Variants in CHCHD6 observed in about 807,000 individuals in gnomAD.
The protein encoded by CHCHD6 is coiled-coil-helix-coiled-coil-helix domain containing 6, also known as MICOS complex subunit MIC25.
CHCHD6 carries 28 observed loss-of-function variants against 32.3 expected under a neutral mutation model. The ratio of observed to expected loss-of-function variants is 0.87; its 90% CI spans 0.64 to 1.19. The LOEUF (loss-of-function observed/expected upper bound fraction) is 1.19. CHCHD6 is among the 50% of genes most tolerant of loss of function. CHCHD6 has a pLI of 0.00. For missense variants in CHCHD6, 333 were observed against 307.0 expected (o/e 1.08, Z -0.63); for synonymous variants, 122 against 117.5 (o/e 1.04, Z -0.25).
intron 6 of CHCHD6, among the ~76,000 whole-genome samples, chr3:126,953,917 C>G (rs1443343993): frequency 6.6e-6 from 1 of 152,168 alleles, no homozygotes; most frequent in African/African-American, 2.4e-5. Context: ...GTTTTGTATG[C>G]ATTGTAAACA....
rs944217240 is a variant in CHCHD6 at position 126,774,183 on chromosome 3, G to A, written c.411+40961G>A. The stretch of plus-strand genomic sequence containing the variant: ...AATGTATACACAATAAAATTCACAC[G>A]TTAAGTGCTCAGGTTGGTGATTTTG... On this transcript the variant is annotated intron_variant, in intron 4 of 7. Coordinates refer to ENST00000290913, the MANE Select transcript of CHCHD6 (RefSeq NM_032343.3). Among the ~76,000 whole-genome samples the A allele has an allele frequency of 3.3e-5, 5 of 152,052 alleles. No individual in the cohort carries two copies. The South Asian group carries it at 6.2e-4, about 19-fold the overall frequency.
chr3:126,823,228 G>A (rs1465368211), intron 4 of CHCHD6, among the ~76,000 whole-genome samples: 3 of 152,098 alleles, frequency 2.0e-5, no homozygotes, highest in Non-Finnish European at 4.4e-5. Flanking sequence ...ATTTTGTTTT[G>A]TTTAAATCAA....
chr3:126,717,734 T>C (rs548426992), intron 1 of CHCHD6, among the ~76,000 whole-genome samples: 2 of 152,154 alleles, frequency 1.3e-5, no homozygotes, highest in Non-Finnish European at 2.9e-5. Context: ...GGATCTGGGT[T>C]CCAAATGCAT....
In CHCHD6 at chr3:126,710,090, A is replaced by G. The variant is rs148941009; in HGVS notation, c.87+5691A>G. Among the ~76,000 whole-genome samples the G allele has an allele frequency of 6.4e-4, 98 of 152,342 alleles. No individual in the cohort carries two copies. The East Asian group carries it at 0.011, about 18-fold the overall frequency. On this transcript the variant is annotated intron_variant, in intron 1 of 7. Transcript: ENST00000290913. Reference sequence around the variant, plus strand: ...GTGTTCCAGTAAAACTTTATTTACAAAATCAATTGGTGGGTTAGATTTGGC... The same window carrying G: ...GTGTTCCAGTAAAACTTTATTTACAGAATCAATTGGTGGGTTAGATTTGGC...
At chr3:126,900,083 G>T (rs1357903386) in intron 5 of CHCHD6, among the ~76,000 whole-genome samples, 1 of 152,200 alleles carries the variant, frequency 6.6e-6, no homozygotes, top group Non-Finnish European at 1.5e-5. Flanking sequence ...ACAGGAAAAA[G>T]TATTGGGCTT....
chr3:126,757,942 G>A (rs1937024372), intron 4 of CHCHD6, among the ~76,000 whole-genome samples: 1 of 152,228 alleles, frequency 6.6e-6, no homozygotes, highest in Non-Finnish European at 1.5e-5. Context: ...AAAGCTCAAT[G>A]TGGCCCAGTG....
intron 3 of CHCHD6, among the ~76,000 whole-genome samples, chr3:126,731,461 G>A (rs1935801657): frequency 6.6e-6 from 1 of 152,168 alleles, no homozygotes; most frequent in South Asian, 2.1e-4. Flanking sequence ...CATCTAAGAA[G>A]GGCTAAGAAG....
At chr3:126,722,907 G>A (rs1243380117) in intron 1 of CHCHD6, among the ~76,000 whole-genome samples, 2 of 152,114 alleles carry the variant, frequency 1.3e-5, no homozygotes, top group African/African-American at 4.8e-5. Flanking sequence ...TTAGCCCTCT[G>A]TTTTCTAATA....
chr3:126,892,297 A>C (rs761514283), intron 5 of CHCHD6, among the ~76,000 whole-genome samples: 17 of 152,138 alleles, frequency 1.1e-4, no homozygotes, highest in African/African-American at 1.7e-4. Flanking sequence ...ACTTAAAGAG[A>C]CTGCAAAGCC....
chr3:126,837,026 T>C (rs1215743370), intron 4 of CHCHD6, among the ~76,000 whole-genome samples: 1 of 152,206 alleles, frequency 6.6e-6, no homozygotes, highest in Non-Finnish European at 1.5e-5. Flanking sequence ...CTAAAGGGAA[T>C]TGTGCGCCAG....
intron 4 of CHCHD6, among the ~76,000 whole-genome samples, chr3:126,807,195 T>C (rs74948658): frequency 7.2e-6 from 1 of 138,662 alleles, no homozygotes; most frequent in South Asian, 2.2e-4. Context: ...ACTTAAAGTA[T>C]AAAAAAAAAA....
At chr3:126,871,740 A>T (rs1022537783) in intron 5 of CHCHD6, among the ~76,000 whole-genome samples, 5 of 136,478 alleles carry the variant, frequency 3.7e-5, no homozygotes, top group Non-Finnish European at 6.0e-5. Flanking sequence ...ATCTTGGCTC[A>T]CTGCAACCTC....
At chr3:126,899,288 G>A (rs1003881890) in intron 5 of CHCHD6, among the ~76,000 whole-genome samples, 9 of 152,240 alleles carry the variant, frequency 5.9e-5, no homozygotes, top group East Asian at 1.9e-4. Flanking sequence ...TATCCTGGTC[G>A]TTGTTTTGAT....
chr3:126,880,620 A>AGGGAGACCCACTCACACTATCTGG lies in CHCHD6; in HGVS notation c.495+27895_495+27918dup, dbSNP rs545007031. ...TATCCAGGTGATGAATAAGGATCTG[A>AGGGAGACCCACTCACACTATCTGG]GGGAGACCCACTCACACTATCTGGG... is the stretch of plus-strand genomic sequence containing the variant. On this transcript the variant is annotated intron_variant, in intron 5 of 7. Transcript: ENST00000290913. Among the ~76,000 whole-genome samples, 1,081 of 152,302 alleles carry AGGGAGACCCACTCACACTATCTGG rather than the reference A, an allele frequency of 7.1e-3. 10 individuals are homozygous for AGGGAGACCCACTCACACTATCTGG. The highest frequency in any genetic ancestry group is 0.024 in the African/African-American group (1,008 of 41,556).
intron 6 of CHCHD6, chr3:126,957,188 T>C: frequency 1.7e-6 from 1 of 591,726 alleles, no homozygotes; most frequent in Non-Finnish European, 3.0e-6. Flanking sequence ...TTTCAGTGTC[T>C]GCTATATTGT....
At chr3:126,890,358 A>T (rs1161771266) in intron 5 of CHCHD6, among the ~76,000 whole-genome samples, 1 of 152,184 alleles carries the variant, frequency 6.6e-6, no homozygotes, top group Non-Finnish European at 1.5e-5. Flanking sequence ...GCTCGGTGAC[A>T]CAGGCACACA....
At chr3:126,949,709 A>G (rs150832435) in intron 6 of CHCHD6, 2 of 195,514 alleles carry the variant, frequency 1.0e-5, no homozygotes, top group Non-Finnish European at 2.1e-5. Context: ...CTTATCACCA[A>G]TGGGAAGGAA....
At chr3:126,954,874 A>C (rs2078761895) in intron 6 of CHCHD6, among the ~76,000 whole-genome samples, 1 of 152,234 alleles carries the variant, frequency 6.6e-6, no homozygotes, top group Non-Finnish European at 1.5e-5. Flanking sequence ...GGAGACTGGC[A>C]GTGCCACTGA....
intron 4 of CHCHD6, among the ~76,000 whole-genome samples, chr3:126,749,119 G>T (rs1358237963): frequency 1.3e-5 from 2 of 152,196 alleles, no homozygotes; most frequent in Admixed American, 6.5e-5. Context: ...AGTTCAGTGA[G>T]TGAATGCAGC....
Sources: allele counts gnomAD v4.1 joint callset (sites outside exome capture counted in the v4.1 genomes callset), GRCh38; gene constraint gnomAD v4.1.1; transcripts MANE v1.5; gene names NCBI Gene and HGNC (gene_info 2026-07-23, HGNC 2026-07-21).